The following FAM83A variants were observed in gnomAD, a reference collection of about 807,000 sequenced individuals.
FAM83A encodes the protein protein FAM83A.
FAM83A carries 21 observed loss-of-function variants against 24.4 expected under a neutral mutation model. The observed-to-expected ratio is 0.86, with a 90% CI of 0.61 to 1.24. The LOEUF is 1.24. FAM83A is among the 50% of genes most tolerant of loss of function. The pLI is 0.00. For synonymous variants in FAM83A, 270 were observed against 252.4 expected (o/e 1.07, Z -0.66); for missense variants, 617 against 579.8 (o/e 1.06, Z -0.66).
chr8:123,197,483 G>C (rs942474892), intron 3 of FAM83A, among the ~76,000 whole-genome samples: 6 of 152,216 alleles, frequency 3.9e-5, no homozygotes, highest in Admixed American at 3.9e-4. Context: ...CCGAGCTGTA[G>C]CGTGTTTCAG....
Position 123,209,436 on chromosome 8 carries a change from T to TAAACA in FAM83A, c.*1762_*1766dup, listed in dbSNP as rs762930805. The TAAACA allele has an allele frequency of 7.4e-6, 12 of 1,613,806 alleles. No individual in the cohort carries two copies. The East Asian group carries it at 1.3e-4, about 18-fold the overall frequency. On this transcript the variant is annotated 3_prime_UTR_variant, in exon 4 of 4. Transcript: ENST00000690554. This position sits in a 1 kb window ranked among gnomAD's most constrained non-coding sequence, Gnocchi z 4.7. Reference sequence around the variant, plus strand: ...TTTTTTCCTCCTTAGTTCCTGAAAGTAAACAAAACAAAACAAAAACAAAAA... The same window carrying TAAACA: ...TTTTTTCCTCCTTAGTTCCTGAAAGTAAACAAAACAAAACAAAACAAAAACAAAAA...
intron 1 of FAM83A, among the ~76,000 whole-genome samples, chr8:123,183,740 A>G (rs926014355): frequency 6.9e-6 from 1 of 144,042 alleles, no homozygotes; most frequent in Non-Finnish European, 1.5e-5. Flanking sequence ...CTGTTGCCCA[A>G]GCTGGAGTGT....
At chr8:123,200,022 A>G (rs1325013061) in intron 3 of FAM83A, 2 of 153,936 alleles carry the variant, frequency 1.3e-5, no homozygotes, top group Non-Finnish European at 2.9e-5. Flanking sequence ...TCCCTGTCTT[A>G]TGGGAGCTAC....
chr8:123,184,702 GT>G (rs1358464311), intron 1 of FAM83A, among the ~76,000 whole-genome samples: 5 of 152,332 alleles, frequency 3.3e-5, no homozygotes, highest in Admixed American at 2.0e-4. Context: ...CAGGCTGTGG[GT>G]GCCCACACCT....
At chr8:123,200,217 C>A (rs1279436610) in intron 3 of FAM83A, among the ~76,000 whole-genome samples, 1 of 152,158 alleles carries the variant, frequency 6.6e-6, no homozygotes, top group South Asian at 2.1e-4. Flanking sequence ...GTGGATCCAA[C>A]CCATTACAGT....
chr8:123,204,128 C>T (rs1450761115), intron 3 of FAM83A, among the ~76,000 whole-genome samples: 1 of 151,952 alleles, frequency 6.6e-6, no homozygotes, highest in Non-Finnish European at 1.5e-5. Flanking sequence ...AAGATGCTAC[C>T]TTGGCCAGGT....
intron 1 of FAM83A, among the ~76,000 whole-genome samples, chr8:123,185,996 G>T (rs1264711438): frequency 6.6e-6 from 1 of 152,030 alleles, no homozygotes; most frequent in Non-Finnish European, 1.5e-5. Flanking sequence ...TCACCATGTT[G>T]GCCAGGCTGG....
intron 3 of FAM83A, among the ~76,000 whole-genome samples, chr8:123,198,806 C>T (rs766461956): frequency 6.6e-6 from 1 of 152,120 alleles, no homozygotes. Flanking sequence ...GGCGTGATCT[C>T]GGCTCACTGC....
chr8:123,207,167 C>T, exon 4 of FAM83A: 1 of 1,589,184 alleles, frequency 6.3e-7, no homozygotes, highest in Non-Finnish European at 8.6e-7. Context: ...CTTCACCTGG[C>T]TCTGCGGACA....
At chr8:123,195,641 G>A (rs1824123583) in intron 3 of FAM83A, among the ~76,000 whole-genome samples, 1 of 152,166 alleles carries the variant, frequency 6.6e-6, no homozygotes, top group Non-Finnish European at 1.5e-5. Flanking sequence ...GAAGTCCTAG[G>A]TCAAGGTGTG....
Position 123,209,722 on chromosome 8 carries a change from C to A in FAM83A, c.*2034C>A. On this transcript the variant is annotated 3_prime_UTR_variant, in exon 4 of 4. Coordinates refer to ENST00000690554, the Ensembl canonical transcript of FAM83A. This position sits in a 1 kb window ranked among gnomAD's most constrained non-coding sequence, Gnocchi z 4.7. ...ATAGGGGAGAACCTGCAGGCAGGAA[C>A]AAGCCCCCCTACTCCTGACCACCCT... The A allele has an allele frequency of 1.5e-6, 1 of 682,648 alleles. No individual in the cohort carries two copies. The highest frequency in any genetic ancestry group is 2.5e-6 in the Non-Finnish European group (1 of 406,490). 42.3% of individuals were successfully genotyped at this position (682,648 alleles called of 1,614,324 possible). A position where few individuals can be genotyped will look rare whatever the true frequency, so the allele number is the denominator to read the frequency against.
intron 1 of FAM83A, among the ~76,000 whole-genome samples, chr8:123,187,255 C>A (rs1823833349): frequency 6.6e-6 from 1 of 152,154 alleles, no homozygotes; most frequent in African/African-American, 2.4e-5. Context: ...GAGCCAAAGA[C>A]TGAGAGCAGC....
At chr8:123,208,574 T>G in exon 4 of FAM83A, 1 of 985,574 alleles carries the variant, frequency 1.0e-6, no homozygotes, top group Non-Finnish European at 1.2e-6. Flanking sequence ...GAGGAATAAA[T>G]GCTGAACCTC....
chr8:123,209,342 G>A lies in FAM83A; in HGVS notation c.*1654G>A. The A allele has an allele frequency of 4.8e-6, 7 of 1,451,430 alleles. No individual in the cohort carries two copies. Among genetic ancestry groups the A allele is most frequent in the Non-Finnish European group, 6.3e-6 (7 of 1,107,606 alleles). 89.9% of individuals were successfully genotyped at this position (1,451,430 alleles called of 1,614,324 possible). On this transcript the variant is annotated 3_prime_UTR_variant, in exon 4 of 4. Coordinates refer to ENST00000690554, the Ensembl canonical transcript of FAM83A. The surrounding 1 kb of genome is among the most constrained non-coding windows in gnomAD (Gnocchi z 4.7). ...TTCTCCACTGCTCCCAGCATGATCTGGGGCATCTTGGCTTCTGGTTTCTTT... is the reference window on the plus strand; with the variant it reads ...TTCTCCACTGCTCCCAGCATGATCTAGGGCATCTTGGCTTCTGGTTTCTTT...
intron 1 of FAM83A, among the ~76,000 whole-genome samples, chr8:123,185,110 T>C (rs1006328560): frequency 1.3e-5 from 2 of 152,194 alleles, no homozygotes; most frequent in African/African-American, 4.8e-5. Context: ...AGGGCGGCAT[T>C]TGAGGATGCA....
chr8:123,179,163 T>C (rs1177897714), upstream of FAM83A: 1 of 152,206 alleles, frequency 6.6e-6, no homozygotes, highest in East Asian at 1.9e-4. Context: ...TGATCACTGC[T>C]ATGGTTTGAA....
chr8:123,190,449 G>A (rs1241743290), intron 1 of FAM83A, among the ~76,000 whole-genome samples: 2 of 149,284 alleles, frequency 1.3e-5, no homozygotes, highest in African/African-American at 2.5e-5. Context: ...TTTTTTAGTA[G>A]AGACGAGCTT....
At chr8:123,183,289 A>C in exon 1 of FAM83A, 1 of 1,612,990 alleles carries the variant, frequency 6.2e-7, no homozygotes, top group Non-Finnish European at 8.5e-7. Flanking sequence ...CGTCAAGCAC[A>C]ACAACATCAG....
intron 3 of FAM83A, among the ~76,000 whole-genome samples, chr8:123,197,008 C>A (rs911316410): frequency 5.3e-5 from 8 of 152,236 alleles, no homozygotes. Context: ...GCCCCCACCA[C>A]CATCACCCCT....
Sources: allele counts gnomAD v4.1 joint callset (sites outside exome capture counted in the v4.1 genomes callset), GRCh38; gene constraint gnomAD v4.1.1; non-coding constraint Gnocchi (gnomAD v3.1); transcripts MANE v1.5; gene names NCBI Gene and HGNC (gene_info 2026-07-23, HGNC 2026-07-21).